Variants in VWC2 observed in about 807,000 individuals in gnomAD.
The protein encoded by VWC2 is von Willebrand factor C domain containing 2.
Under a neutral mutation model 29.8 loss-of-function variants are expected in VWC2, and 14 were observed. The observed-to-expected ratio is 0.47, with a 90% CI of 0.31 to 0.74. The LOEUF (loss-of-function observed/expected upper bound fraction) is 0.74. VWC2 is among the 30% of genes least tolerant of loss of function. The pLI is 0.05. For synonymous variants in VWC2, 213 were observed against 199.0 expected, an observed-to-expected ratio of 1.07 and a Z score of -0.59; for missense variants, 457 against 459.8, an observed-to-expected ratio of 0.99 and a Z score of 0.05.
intron 3 of VWC2, among the ~76,000 whole-genome samples, chr7:49,866,604 T>G (rs774372519): frequency 6.6e-6 from 1 of 152,180 alleles, no homozygotes; most frequent in Non-Finnish European, 1.5e-5. Context: ...GCCTCCTTCT[T>G]GATGGGATGA....
rs1460131120 is a variant in VWC2 at position 49,776,141 on chromosome 7, G to A, written c.696+10G>A. The stretch of plus-strand genomic sequence containing the variant: ...TTTGGAGGAGTTCGTGGTAAGATGC[G>A]AACGCCCGCCGGGCGACTTTGCACC... On this transcript the variant is annotated intron_variant, in intron 2 of 3. Coordinates refer to ENST00000340652, the MANE Select transcript of VWC2 (RefSeq NM_198570.5). 2.5e-5 allele frequency: 37 copies of A among 1,500,546 alleles called. No individual in the cohort carries two copies. Among genetic ancestry groups the A allele is most frequent in the Non-Finnish European group, 3.2e-5 (36 of 1,124,264 alleles). The allele number at this position is 1,500,546 out of a possible 1,614,324, so 93.0% of individuals were successfully genotyped here.
Position 49,847,524 on chromosome 7 carries a change from G to A in VWC2, c.826+44684G>A, listed in dbSNP as rs577334359. On this transcript the variant is annotated intron_variant, in intron 3 of 3. Transcript: ENST00000340652. ...AATGTGGGTTTTATTATTGGGTATGGTAAGGTCAACAGATCATGAGATGAT... is the reference window on the plus strand; with the variant it reads ...AATGTGGGTTTTATTATTGGGTATGATAAGGTCAACAGATCATGAGATGAT... Among the ~76,000 whole-genome samples the A allele has an allele frequency of 3.0e-3, 457 of 152,242 alleles. 2 individuals are homozygous for A. The highest frequency in any genetic ancestry group is 5.6e-3 in the Non-Finnish European group (378 of 68,016).
chr7:49,826,405 C>T (rs1554332629), intron 3 of VWC2, among the ~76,000 whole-genome samples: 1 of 152,032 alleles, frequency 6.6e-6, no homozygotes, highest in Non-Finnish European at 1.5e-5. Context: ...TTAGGTCCCT[C>T]AAAAAAACTA....
In VWC2 at chr7:49,920,164, T is replaced by C. The variant is rs565812273; in HGVS notation, c.*7979T>C. 24 of 152,210 alleles carry C rather than the reference T, an allele frequency of 1.6e-4. No homozygotes were observed. The highest frequency in any genetic ancestry group is 4.1e-4 in the African/African-American group (17 of 41,522). 9.4% of individuals were successfully genotyped at this position (152,210 alleles called of 1,614,324 possible). On this transcript the variant is annotated 3_prime_UTR_variant, in exon 4 of 4. Transcript: ENST00000340652. ...GGAAGCAAAATGGAACAGAGCAATA[T>C]AGAGCAAAACAGAGGTTTGTCTGAA...
chr7:49,845,967 T>C (rs969631694), intron 3 of VWC2, among the ~76,000 whole-genome samples: 1 of 152,240 alleles, frequency 6.6e-6, no homozygotes, highest in African/African-American at 2.4e-5. Flanking sequence ...GGATATTTTG[T>C]TCTAAATGCT....
chr7:49,820,498 G>A (rs1311845831), intron 3 of VWC2, among the ~76,000 whole-genome samples: 1 of 152,152 alleles, frequency 6.6e-6, no homozygotes, highest in East Asian at 1.9e-4. Flanking sequence ...GAGGAACTTT[G>A]TAGGGAATAC....
chr7:49,888,919 AC>A (rs1792015244), intron 3 of VWC2, among the ~76,000 whole-genome samples: 2 of 152,060 alleles, frequency 1.3e-5, no homozygotes, highest in South Asian at 4.1e-4. Context: ...CTCAAAAAAA[AC>A]AAAAACAAAA....
At chr7:49,861,469 C>T (rs983257432) in intron 3 of VWC2, among the ~76,000 whole-genome samples, 1 of 152,120 alleles carries the variant, frequency 6.6e-6, no homozygotes, top group Admixed American at 6.5e-5. Context: ...TAAAATATCC[C>T]ATTATGCAGG....
chr7:49,869,805 A>G (rs1791061584), intron 3 of VWC2, among the ~76,000 whole-genome samples: 1 of 152,054 alleles, frequency 6.6e-6, no homozygotes, highest in Non-Finnish European at 1.5e-5. Context: ...ACATTTATAA[A>G]ATGTACATAT....
At chr7:49,776,419 G>A (rs918206603) in intron 2 of VWC2, among the ~76,000 whole-genome samples, 1 of 152,176 alleles carries the variant, frequency 6.6e-6, no homozygotes, top group Non-Finnish European at 1.5e-5. Flanking sequence ...GTATCGGAGG[G>A]ACTTTCAACA....
intron 3 of VWC2, among the ~76,000 whole-genome samples, chr7:49,866,555 TTCG>T (rs536464315): frequency 7.9e-4 from 121 of 152,284 alleles, no homozygotes; most frequent in African/African-American, 2.7e-3. Flanking sequence ...ATCTTTCGAG[TTCG>T]GGCTTGCCCA....
rs893172785 is a variant in VWC2 at position 49,912,265 on chromosome 7, C to G, written c.*80C>G. Reference sequence around the variant, plus strand: ...CATTCTAGATGACTCTGGGAACTATCAGTCAAAGAAGACTTTTGATGAGGA... The same window carrying G: ...CATTCTAGATGACTCTGGGAACTATGAGTCAAAGAAGACTTTTGATGAGGA... On this transcript the variant is annotated 3_prime_UTR_variant, in exon 4 of 4. Coordinates refer to ENST00000340652, the MANE Select transcript of VWC2 (RefSeq NM_198570.5). 6.9e-7 allele frequency: 1 copy of G among 1,439,338 alleles called. No individual in the cohort carries two copies. The highest frequency in any genetic ancestry group is 9.3e-7 in the Non-Finnish European group (1 of 1,069,530). The allele number at this position is 1,439,338 out of a possible 1,614,324, so 89.2% of individuals were successfully genotyped here. A position where few individuals can be genotyped will look rare whatever the true frequency, so the allele number is the denominator to read the frequency against.
chr7:49,774,968 A>T (rs552404836), intron 1 of VWC2, among the ~76,000 whole-genome samples: 2 of 152,194 alleles, frequency 1.3e-5, no homozygotes, highest in Admixed American at 1.3e-4. Context: ...TGTGGCCAGG[A>T]CCTAGGGAGG....
intron 3 of VWC2, among the ~76,000 whole-genome samples, chr7:49,851,125 C>T (rs866981968): frequency 1.1e-4 from 17 of 152,274 alleles, no homozygotes; most frequent in Middle Eastern, 6.8e-3. Flanking sequence ...AGTGGCTGCC[C>T]GCCACCCTGG....
intron 3 of VWC2, among the ~76,000 whole-genome samples, chr7:49,872,395 A>G (rs1345395687): frequency 2.0e-5 from 3 of 152,202 alleles, no homozygotes; most frequent in African/African-American, 4.8e-5. Flanking sequence ...GGGTTTACAC[A>G]GAAAAAATTA....
chr7:49,812,416 A>G (rs1356711935), intron 3 of VWC2, among the ~76,000 whole-genome samples: 1 of 152,182 alleles, frequency 6.6e-6, no homozygotes, highest in African/African-American at 2.4e-5. Context: ...CTTGATACAC[A>G]TCCTTTATCT....
intron 3 of VWC2, among the ~76,000 whole-genome samples, chr7:49,888,390 AG>A (rs1791987288): frequency 6.6e-6 from 1 of 152,248 alleles, no homozygotes; most frequent in Non-Finnish European, 1.5e-5. Flanking sequence ...TTATCAATTT[AG>A]GTATGGTATA....
At chr7:49,813,528 C>A (rs998934405) in intron 3 of VWC2, among the ~76,000 whole-genome samples, 1 of 152,138 alleles carries the variant, frequency 6.6e-6, no homozygotes, top group South Asian at 2.1e-4. Context: ...TCATATTATT[C>A]TTGGATATTT....
chr7:49,815,480 A>C (rs569677), intron 3 of VWC2, among the ~76,000 whole-genome samples: 136,939 of 152,222 alleles, frequency 0.9, 61,873 homozygotes, highest in East Asian at 0.98. Context: ...TTATTATAAC[A>C]TTGCCAACCT....
Sources: gnomAD v4.1 joint callset for allele counts (sites outside exome capture counted in the v4.1 genomes callset) on GRCh38, gnomAD v4.1.1 for gene constraint, MANE v1.5 for transcripts, NCBI Gene and HGNC (gene_info 2026-07-23, HGNC 2026-07-21) for gene names.